NRG1: variants seen among roughly 807,000 people sequenced by gnomAD.
The protein encoded by NRG1 is neuregulin 1.
NRG1 carries 18 observed loss-of-function variants against 63.8 expected under a neutral mutation model. That is an observed-to-expected ratio of 0.28 (90% CI 0.19 to 0.42). The LOEUF (loss-of-function observed/expected upper bound fraction) is 0.42, where lower values mean the gene tolerates loss of function less well. NRG1 is among the 10% of genes least tolerant of loss of function. The pLI, the probability that NRG1 is intolerant of heterozygous loss-of-function variation, is 1.00. For missense variants in NRG1, 762 were observed against 814.7 expected (o/e 0.94, Z 0.79); for synonymous variants, 302 against 301.3 (o/e 1.00, Z -0.02).
chr8:31,656,351 T>G (rs1805435448), intron 1 of NRG1, among the ~76,000 whole-genome samples: 1 of 152,206 alleles, frequency 6.6e-6, no homozygotes, highest in Admixed American at 6.5e-5. Context: ...GAGTGGTGAC[T>G]ATTGCCACAC....
At chr8:31,900,173 T>C (rs1831952681) in intron 1 of NRG1, among the ~76,000 whole-genome samples, 1 of 152,166 alleles carries the variant, frequency 6.6e-6, no homozygotes, top group East Asian at 1.9e-4. Flanking sequence ...CTAATTTCAC[T>C]AATAGTGGCT....
intron 5 of NRG1, among the ~76,000 whole-genome samples, chr8:32,646,445 C>A (rs1442374295): frequency 1.3e-5 from 2 of 152,170 alleles, no homozygotes; most frequent in Non-Finnish European, 2.9e-5. Flanking sequence ...CTCTCAGCAG[C>A]AGGCAGGAAG....
chr8:32,771,944 A>G (rs1380169486), downstream of NRG1, among the ~76,000 whole-genome samples: 2 of 146,192 alleles, frequency 1.4e-5, no homozygotes, highest in East Asian at 4.0e-4. Flanking sequence ...AATCACTTGA[A>G]CCTGGGAGGC....
At chr8:32,512,086 A>C (rs1157311855) in intron 1 of NRG1, among the ~76,000 whole-genome samples, 1 of 151,840 alleles carries the variant, frequency 6.6e-6, no homozygotes, top group African/African-American at 2.4e-5. Flanking sequence ...TTCATAATCC[A>C]GGAATAAGGA....
At chr8:32,739,264 G>A (rs1010044720) in intron 6 of NRG1, among the ~76,000 whole-genome samples, 1 of 152,080 alleles carries the variant, frequency 6.6e-6, no homozygotes, top group African/African-American at 2.4e-5. Flanking sequence ...TAGGGATCTT[G>A]TTAAAATGAA....
chr8:32,413,693 A>C (rs1815440357), intron 1 of NRG1, among the ~76,000 whole-genome samples: 1 of 152,164 alleles, frequency 6.6e-6, no homozygotes, highest in African/African-American at 2.4e-5. Flanking sequence ...ATGATGCTTT[A>C]ATTTGCTGAG....
At chr8:31,737,120 T>G (rs1286279212) in intron 1 of NRG1, among the ~76,000 whole-genome samples, 1 of 152,158 alleles carries the variant, frequency 6.6e-6, no homozygotes, top group Non-Finnish European at 1.5e-5. Flanking sequence ...AAACTAGAGA[T>G]GTAACATAGA....
intron 1 of NRG1, among the ~76,000 whole-genome samples, chr8:32,405,180 G>A (rs895885998): frequency 6.6e-6 from 1 of 152,174 alleles, no homozygotes; most frequent in Admixed American, 6.5e-5. Flanking sequence ...GGAAAGAAAG[G>A]AAGTTATGTG....
chr8:32,373,197 G>A lies in NRG1; in HGVS notation c.38-222631G>A, dbSNP rs537172882. ...GTGAAAACCACAATCATCTTCACCA[G>A]GCAGCTGATTTTTTTAAAAAGGCAT... On this transcript the variant is annotated intron_variant, in intron 1 of 10. Coordinates refer to the NRG1 transcript ENST00000519301. Among the ~76,000 whole-genome samples, 3 of 152,222 alleles carry A rather than the reference G, an allele frequency of 2.0e-5. No individual in the cohort carries two copies. The South Asian group carries it at 6.2e-4, about 32-fold the overall frequency.
In NRG1 at chr8:32,196,118, A is replaced by T. The variant is rs201022420; in HGVS notation, c.38-399710A>T. On this transcript the variant is annotated intron_variant, in intron 1 of 10. Transcript: ENST00000519301. Reference sequence around the variant, plus strand: ...CAAATAATGTGCAGTAAAAACAATGAGTGTGTGTGTGTGTGTGTGTGTGTG... The same window carrying T: ...CAAATAATGTGCAGTAAAAACAATGTGTGTGTGTGTGTGTGTGTGTGTGTG... Among the ~76,000 whole-genome samples, 8 of 146,854 alleles carry T rather than the reference A, an allele frequency of 5.4e-5. No individual in the cohort carries two copies. The East Asian group carries it at 8.0e-4, about 15-fold the overall frequency.
At chr8:32,646,604 TCTCTGACC>T in intron 5 of NRG1, 1 of 845,284 alleles carries the variant, frequency 1.2e-6, no homozygotes, top group Non-Finnish European at 1.4e-6. Context: ...TCGCTGGCTT[TCTCTGACC>T]CAACAGTGGG....
chr8:32,528,628 C>T (rs746485224), intron 1 of NRG1, among the ~76,000 whole-genome samples: 27 of 152,006 alleles, frequency 1.8e-4, no homozygotes, highest in Non-Finnish European at 2.6e-4. Context: ...TGTTTGACTG[C>T]TTAGAGTAGA....
chr8:32,681,312 G>T (rs937080847), intron 5 of NRG1, among the ~76,000 whole-genome samples: 12 of 152,130 alleles, frequency 7.9e-5, no homozygotes, highest in African/African-American at 2.9e-4. Context: ...AAAGCAAAAG[G>T]TTCTTTACGT....
intron 1 of NRG1, among the ~76,000 whole-genome samples, chr8:31,930,542 A>G (rs1051829323): frequency 6.6e-6 from 1 of 152,208 alleles, no homozygotes; most frequent in African/African-American, 2.4e-5. Flanking sequence ...TTTCTAAACA[A>G]CTTTATTGAA....
chr8:32,671,127 G>A (rs1589114635), intron 5 of NRG1, among the ~76,000 whole-genome samples: 1 of 146,202 alleles, frequency 6.8e-6, no homozygotes, highest in Admixed American at 7.0e-5. Context: ...TTGTTCTTAT[G>A]CTTTTTTTTT....
At chr8:32,635,994 C>G (rs1851276291) in intron 5 of NRG1, among the ~76,000 whole-genome samples, 1 of 152,128 alleles carries the variant, frequency 6.6e-6, no homozygotes, top group Admixed American at 6.5e-5. Context: ...ATAGAAGAGA[C>G]AGGGCTAATT....
chr8:32,540,075 T>TTTGTTG (rs149306385), intron 1 of NRG1, among the ~76,000 whole-genome samples: 1 of 152,034 alleles, frequency 6.6e-6, no homozygotes, highest in Non-Finnish European at 1.5e-5. Flanking sequence ...AAAGAAAGGT[T>TTTGTTG]TTGTTGTTGT....
intron 1 of NRG1, among the ~76,000 whole-genome samples, chr8:32,587,266 CA>C (rs1379726434): frequency 6.6e-6 from 1 of 151,642 alleles, no homozygotes; most frequent in Non-Finnish European, 1.5e-5. Flanking sequence ...TGCAATAATA[CA>C]AGAACCGTCT....
intron 1 of NRG1, among the ~76,000 whole-genome samples, chr8:32,527,927 C>T (rs1285707540): frequency 6.6e-6 from 1 of 152,156 alleles, no homozygotes; most frequent in African/African-American, 2.4e-5. Context: ...ACCGCTTCTC[C>T]CCAGTTCTCC....
Sources: allele counts gnomAD v4.1 joint callset (sites outside exome capture counted in the v4.1 genomes callset), GRCh38; gene constraint gnomAD v4.1.1; transcripts MANE v1.5; gene names NCBI Gene and HGNC (gene_info 2026-07-23, HGNC 2026-07-21).